Variants in NF1 observed in about 807,000 individuals in gnomAD.
The protein encoded by NF1 is neurofibromin.
NF1 carries 122 observed loss-of-function variants against 325.7 expected under a neutral mutation model. The ratio of observed to expected loss-of-function variants is 0.37; its 90% confidence interval spans 0.32 to 0.44. NF1 has a LOEUF of 0.44. Among genes scored for constraint, NF1 ranks in the 20% least tolerant of loss-of-function variants. NF1 has a pLI of 1.00. For missense variants in NF1, 2,140 were observed against 3,415.4 expected, an observed-to-expected ratio of 0.63 and a Z score of 9.31; for synonymous variants, 1,091 against 1,186.0, an observed-to-expected ratio of 0.92 and a Z score of 1.65.
rs374014162 is a variant in NF1 at position 31,337,365 on chromosome 17, C to G, written c.6428-3C>G. The G allele has an allele frequency of 6.2e-7, 1 of 1,605,228 alleles. No homozygotes were observed. The highest frequency in any genetic ancestry group is 8.5e-7 in the Non-Finnish European group (1 of 1,172,112). ...CTTTACTTGTTCCTTTATTCTCTTA[C>G]AGAAGAGACCAAGCAAGTTTTGAGA... On this transcript the variant is annotated splice_polypyrimidine_tract_variant and splice_region_variant and intron_variant, in intron 42 of 57. Coordinates refer to ENST00000358273, the MANE Select transcript of NF1 (RefSeq NM_001042492.3).
chr17:31,325,053 T>A (rs2069307100), intron 36 of NF1, among the ~76,000 whole-genome samples: 1 of 152,184 alleles, frequency 6.6e-6, no homozygotes, highest in Non-Finnish European at 1.5e-5. Flanking sequence ...CTGCTCCCAT[T>A]TATTAGTATT....
At chr17:31,283,056 C>A (rs1435774270) in intron 36 of NF1, among the ~76,000 whole-genome samples, 1 of 152,086 alleles carries the variant, frequency 6.6e-6, no homozygotes, top group Non-Finnish European at 1.5e-5. Flanking sequence ...CTTTAACTTC[C>A]GGGTCTTAGA....
At chr17:31,295,351 A>C (rs778939303) in intron 36 of NF1, 1 of 1,614,014 alleles carries the variant, frequency 6.2e-7, no homozygotes, top group South Asian at 1.1e-5. Flanking sequence ...AAGCCTTATC[A>C]GTGCTAGTAA....
chr17:31,291,482 A>G (rs1205954272), intron 36 of NF1, among the ~76,000 whole-genome samples: 1 of 152,222 alleles, frequency 6.6e-6, no homozygotes, highest in African/African-American at 2.4e-5. Context: ...TATTGTTAAA[A>G]AAGATTGGCA....
chr17:31,150,848 A>G (rs915983972), intron 1 of NF1, among the ~76,000 whole-genome samples: 14 of 152,234 alleles, frequency 9.2e-5, no homozygotes, highest in African/African-American at 2.6e-4. Context: ...CCTGACCAAC[A>G]TGGTGAAACC....
Position 31,234,627 on chromosome 17 carries a change from C to T in NF1, c.3709-984C>T, listed in dbSNP as rs140157146. ...GGAGGGTTGCAGTGAGCCAAGATCTCGCCACTGCACTCCAGCCTGGGCGAC... is the reference window on the plus strand; with the variant it reads ...GGAGGGTTGCAGTGAGCCAAGATCTTGCCACTGCACTCCAGCCTGGGCGAC... On this transcript the variant is annotated intron_variant, in intron 27 of 57. Coordinates refer to ENST00000358273, the MANE Select transcript of NF1 (RefSeq NM_001042492.3). Among the ~76,000 whole-genome samples the T allele has an allele frequency of 1.7e-3, 250 of 143,952 alleles. No individual in the cohort carries two copies. Among genetic ancestry groups the T allele is most frequent in the Non-Finnish European group, 2.3e-3 (152 of 66,874 alleles). The allele number at this position is 143,952 out of a possible 152,430, so 94.4% of individuals were successfully genotyped here.
At chr17:31,177,583 G>T (rs1325526521) in intron 5 of NF1, among the ~76,000 whole-genome samples, 1 of 152,000 alleles carries the variant, frequency 6.6e-6, no homozygotes, top group African/African-American at 2.4e-5. Context: ...AGCTAAAAGA[G>T]CATGTTCTAA....
In NF1 at chr17:31,337,577, A is replaced by G. The variant is rs864622330; in HGVS notation, c.6637A>G (p.Met2213Val). The change falls in exon 43 of 58, where the codon ATG (methionine) becomes GTG (valine). Residue 2213 changes from methionine (M) to valine (V), a missense_variant. Met to Val is a conservative substitution (Grantham distance 21, BLOSUM62 1). Coordinates refer to ENST00000358273, the MANE Select transcript of NF1 (RefSeq NM_001042492.3). ...AGTCACAGAAGCTTTGTTGGAGATC[A>G]TGGAGGTATAGAAGCCAAAATGATA... ...ETVTEALLEI[M>V]EACMRDIPTC... 4.3e-6 allele frequency: 7 copies of G among 1,613,606 alleles called. No homozygotes were observed. The highest frequency in any genetic ancestry group is 3.3e-5 in the Admixed American group (2 of 60,014).
At chr17:31,284,699 C>T (rs188891870) in intron 36 of NF1, among the ~76,000 whole-genome samples, 10 of 152,158 alleles carry the variant, frequency 6.6e-5, no homozygotes, top group East Asian at 3.9e-4. Flanking sequence ...GCTAGGATTA[C>T]GGGCATAAGC....
intron 8 of NF1, among the ~76,000 whole-genome samples, chr17:31,192,119 ATAC>A (rs1160412419): frequency 6.6e-6 from 1 of 152,254 alleles, no homozygotes; most frequent in Non-Finnish European, 1.5e-5. Context: ...ACAGTTTCCC[ATAC>A]TGCTATTAAC....
chr17:31,235,253 G>A (rs2067179785), intron 27 of NF1, among the ~76,000 whole-genome samples: 1 of 152,172 alleles, frequency 6.6e-6, no homozygotes, highest in African/African-American at 2.4e-5. Flanking sequence ...CTGTGCAAAT[G>A]CTTGTACAAA....
At position 31,169,862 on chromosome 17, in the gene NF1, A is replaced by G. The variant is rs1311562646; in HGVS notation, c.480-29A>G. The G allele has an allele frequency of 6.8e-7, 1 of 1,470,810 alleles. No homozygotes were observed. 91.1% of individuals were successfully genotyped at this position (1,470,810 alleles called of 1,614,324 possible). The stretch of plus-strand genomic sequence containing the variant: ...CACCTGTCCCCTAATACTTAATTTG[A>G]TAAGTTAATTTTGGTTTTTACTTTT... On this transcript the variant is annotated intron_variant, in intron 4 of 57. Transcript: ENST00000358273.
At chr17:31,372,386 T>A (rs1198152710) in intron 57 of NF1, among the ~76,000 whole-genome samples, 4 of 152,066 alleles carry the variant, frequency 2.6e-5, no homozygotes, top group African/African-American at 9.7e-5. Flanking sequence ...GCTGTTTGCT[T>A]TCCCGCCAAA....
intron 31 of NF1, chr17:31,253,865 T>A (rs1239106053): frequency 6.6e-6 from 1 of 152,244 alleles, no homozygotes; most frequent in East Asian, 1.9e-4. Flanking sequence ...GATTGTAGAG[T>A]AAGATGTAAA....
intron 1 of NF1, among the ~76,000 whole-genome samples, chr17:31,117,233 A>G (rs545603343): frequency 7.9e-5 from 12 of 152,082 alleles, no homozygotes; most frequent in Admixed American, 3.9e-4. Flanking sequence ...CTCCTGCCTC[A>G]GCCTCCCAGA....
chr17:31,151,023 A>G (rs1053537705), intron 1 of NF1, among the ~76,000 whole-genome samples: 3 of 134,828 alleles, frequency 2.2e-5, no homozygotes, highest in Non-Finnish European at 3.4e-5. Flanking sequence ...TGACAGAGCA[A>G]GGCTCTGTCT....
At chr17:31,299,662 G>A (rs1337710246) in intron 36 of NF1, 1 of 151,980 alleles carries the variant, frequency 6.6e-6, no homozygotes, top group African/African-American at 2.4e-5. Context: ...AATATGGTTG[G>A]CTATTTAGAC....
chr17:31,310,640 T>C (rs2151516276), intron 36 of NF1, among the ~76,000 whole-genome samples: 1 of 152,222 alleles, frequency 6.6e-6, no homozygotes, highest in East Asian at 1.9e-4. Context: ...CCTCTCCCTT[T>C]TTTTTTCCCT....
At chr17:31,301,595 A>G (rs2068574987) in intron 36 of NF1, among the ~76,000 whole-genome samples, 1 of 152,216 alleles carries the variant, frequency 6.6e-6, no homozygotes, top group African/African-American at 2.4e-5. Context: ...CACTGACACC[A>G]AATAGAAGAC....
Sources: gnomAD v4.1 joint callset for allele counts (sites outside exome capture counted in the v4.1 genomes callset) on GRCh38, gnomAD v4.1.1 for gene constraint, MANE v1.5 for transcripts, NCBI Gene and HGNC (gene_info 2026-07-23, HGNC 2026-07-21) for gene names.